BAZ1B: variants seen among roughly 807,000 people sequenced by gnomAD.
BAZ1B encodes tyrosine-protein kinase BAZ1B.
In BAZ1B, 22 loss-of-function variants were observed where a neutral mutation model predicts 153.8. The ratio of observed to expected loss-of-function variants is 0.14; its 90% CI spans 0.10 to 0.20. BAZ1B has a LOEUF of 0.20. BAZ1B is among the 10% of genes least tolerant of loss of function. The probability of loss-of-function intolerance (pLI) is 1.00; values close to 1 mark genes in which losing one functional copy is unlikely to be tolerated. For synonymous variants in BAZ1B, 676 were observed against 633.4 expected (o/e 1.07, Z -1.01); for missense variants, 1,325 against 1,799.3 (o/e 0.74, Z 4.77).
intron 8 of BAZ1B, among the ~76,000 whole-genome samples, 185 bp from the exon 9 acceptor site, chr7:73,469,835 G>C (rs1788729200): frequency 6.6e-6 from 1 of 152,172 alleles, no homozygotes; most frequent in Non-Finnish European, 1.5e-5. Flanking sequence ...GAGAAATGTT[G>C]AAACTGGAGA....
chr7:73,477,980 G>A lies in BAZ1B; in HGVS notation c.1481C>T (p.Ala494Val). The A allele has an allele frequency of 6.2e-7, 1 of 1,614,136 alleles. No individual in the cohort carries two copies. The highest frequency in any genetic ancestry group is 8.5e-7 in the Non-Finnish European group (1 of 1,180,034). Residue 494 changes from alanine (A) to valine (V), a missense_variant, in exon 7 of 20, where the codon GCC becomes GTC. Ala to Val is a moderately conservative substitution (Grantham distance 64). This residue lies in a region of BAZ1B where 154 missense variants were observed against 266.3 expected (regional missense o/e 0.58). Transcript: ENST00000339594. The surrounding 1 kb of genome is among the most constrained non-coding windows in gnomAD (Gnocchi z 5.6). Reference sequence around the variant, plus strand: ...TGTTTTGGAGATAACACAGGACAGGGCGCTCCTCTTGTCCTCCCTGTCTTT... The same window carrying A: ...TGTTTTGGAGATAACACAGGACAGGACGCTCCTCTTGTCCTCCCTGTCTTT... Reference protein sequence around the residue: ...ENKDREDKRSALSCVISKTAR... With the variant: ...ENKDREDKRSVLSCVISKTAR...
intron 5 of BAZ1B, among the ~76,000 whole-genome samples, chr7:73,490,654 G>A (rs1041266126): frequency 6.7e-6 from 1 of 150,206 alleles, no homozygotes; most frequent in Admixed American, 6.6e-5. Context: ...TGCCCAGGCT[G>A]GAGAGCAATG....
rs1417667942 is a variant in BAZ1B at position 73,450,322 on chromosome 7, A to ACGCTT, written c.3580+520_3580+524dup. Among the ~76,000 whole-genome samples, 2 of 152,198 alleles carry ACGCTT rather than the reference A, an allele frequency of 1.3e-5. No individual in the cohort carries two copies. The highest frequency in any genetic ancestry group is 2.9e-5 in the Non-Finnish European group (2 of 68,022). Reference sequence around the variant, plus strand: ...CCAACCTTCATTCTAGAGCGATTGAACGCTTTACAGCAACTGAATGATTTT... The same window carrying ACGCTT: ...CCAACCTTCATTCTAGAGCGATTGAACGCTTCGCTTTACAGCAACTGAATGATTTT... On this transcript the variant is annotated intron_variant, in intron 14 of 19. Transcript: ENST00000339594. This position sits in a 1 kb window ranked among gnomAD's most constrained non-coding sequence, Gnocchi z 4.1.
chr7:73,465,390 C>T (rs782651485), intron 11 of BAZ1B, 49 bp downstream of exon 11: 2 of 1,228,996 alleles, frequency 1.6e-6, no homozygotes, highest in Admixed American at 4.9e-5. Context: ...TATTTATATC[C>T]AATGCTAAAG....
At position 73,469,665 on chromosome 7, in the gene BAZ1B, C is replaced by G. The variant is rs1286884476; in HGVS notation, c.2733-15G>C. On this transcript the variant is annotated splice_polypyrimidine_tract_variant and intron_variant, in intron 8 of 19. Coordinates refer to ENST00000339594, the MANE Select transcript of BAZ1B (RefSeq NM_032408.4). ...AGAGCCAGTATCTACAAATCACAAC[C>G]AGTATTAATAAGACAGTGAATAGAT... is the stretch of plus-strand genomic sequence containing the variant. 2 of 1,613,388 alleles carry G rather than the reference C, an allele frequency of 1.2e-6. No homozygotes were observed. Among genetic ancestry groups the G allele is most frequent in the Non-Finnish European group, 1.7e-6 (2 of 1,179,648 alleles).
intron 6 of BAZ1B, among the ~76,000 whole-genome samples, chr7:73,488,188 C>T (rs1314503880): frequency 3.3e-5 from 5 of 152,110 alleles, no homozygotes; most frequent in African/African-American, 1.2e-4. Context: ...CAGTATGCTG[C>T]GTTACATTTA....
At chr7:73,465,908 C>T (rs1372109544) in intron 10 of BAZ1B, among the ~76,000 whole-genome samples, 2 of 152,104 alleles carry the variant, frequency 1.3e-5, no homozygotes, top group African/African-American at 2.4e-5. Flanking sequence ...AAACCTAGCT[C>T]GCTGCCTAAA....
In BAZ1B at chr7:73,478,575, ATT is replaced by A. The variant is rs1554573255; in HGVS notation, c.892-8_892-7del. On this transcript the variant is annotated splice_region_variant and splice_polypyrimidine_tract_variant and intron_variant, in intron 6 of 19. Coordinates refer to ENST00000339594, the MANE Select transcript of BAZ1B (RefSeq NM_032408.4). The stretch of plus-strand genomic sequence containing the variant: ...GAAGGGTTGAGAGTCATATACTAGA[ATT>A]TAAGAATAGGAGCAAAATTAATTTT... 11 of 1,488,860 alleles carry A rather than the reference ATT, an allele frequency of 7.4e-6. No homozygotes were observed. The highest frequency in any genetic ancestry group is 9.8e-6 in the Non-Finnish European group (11 of 1,118,934). 92.2% of individuals were successfully genotyped at this position (1,488,860 alleles called of 1,614,324 possible).
At chr7:73,510,035 G>A (rs1364352391) in intron 2 of BAZ1B, among the ~76,000 whole-genome samples, 3 of 151,804 alleles carry the variant, frequency 2.0e-5, no homozygotes, top group African/African-American at 4.8e-5. Flanking sequence ...GCTGAGGCAC[G>A]AGAATCACTT....
intron 6 of BAZ1B, among the ~76,000 whole-genome samples, chr7:73,484,251 C>G (rs1196532193): frequency 6.6e-6 from 1 of 150,600 alleles, no homozygotes; most frequent in Non-Finnish European, 1.5e-5. Context: ...GGCGACAGAG[C>G]GAGACTCTGT....
intron 3 of BAZ1B, among the ~76,000 whole-genome samples, chr7:73,500,096 A>G (rs1212130218): frequency 6.6e-6 from 1 of 152,144 alleles, no homozygotes; most frequent in African/African-American, 2.4e-5. Context: ...CTACAGGCAC[A>G]CACCACACCT....
chr7:73,444,963 G>A (rs1014080228), intron 16 of BAZ1B, among the ~76,000 whole-genome samples: 15 of 152,016 alleles, frequency 9.9e-5, no homozygotes, highest in South Asian at 6.2e-4. Context: ...GCAGTGAGCC[G>A]AGATCACGCC....
At chr7:73,448,442 A>G (rs1478020715) in intron 15 of BAZ1B, among the ~76,000 whole-genome samples, 3 of 152,158 alleles carry the variant, frequency 2.0e-5, no homozygotes, top group Non-Finnish European at 2.9e-5. Context: ...CCTTATTGAG[A>G]TTCAAGTAAA....
chr7:73,485,625 GAAAA>G (rs71517389), intron 6 of BAZ1B, among the ~76,000 whole-genome samples: 1 of 76,244 alleles, frequency 1.3e-5, no homozygotes, highest in Non-Finnish European at 2.9e-5. Flanking sequence ...GCCTACCTCA[GAAAA>G]AAAAAAAAAA....
intron 1 of BAZ1B, among the ~76,000 whole-genome samples, chr7:73,518,337 C>T (rs1366690313): frequency 6.6e-6 from 1 of 151,736 alleles, no homozygotes; most frequent in Non-Finnish European, 1.5e-5. Flanking sequence ...GGCGTGAACC[C>T]GGGAGGCGGA....
intron 2 of BAZ1B, among the ~76,000 whole-genome samples, chr7:73,508,830 G>A (rs782654044): frequency 2.1e-4 from 32 of 151,622 alleles, no homozygotes; most frequent in Non-Finnish European, 3.8e-4. Context: ...TGGCTAACAC[G>A]ATGAAACCCC....
intron 2 of BAZ1B, among the ~76,000 whole-genome samples, chr7:73,508,945 G>A (rs1041767118): frequency 6.6e-6 from 1 of 151,634 alleles, no homozygotes; most frequent in Non-Finnish European, 1.5e-5. Flanking sequence ...CCCAGGAAGC[G>A]GAGCTTACAG....
intron 6 of BAZ1B, among the ~76,000 whole-genome samples, chr7:73,486,272 T>C (rs1554574465): frequency 6.6e-6 from 1 of 152,206 alleles, no homozygotes; most frequent in African/African-American, 2.4e-5. Flanking sequence ...TATCTTTACA[T>C]AATTTTCCTC....
At chr7:73,469,728 T>C in intron 8 of BAZ1B, 78 bp from the exon 9 acceptor site, 2 of 1,533,280 alleles carry the variant, frequency 1.3e-6, no homozygotes, top group Non-Finnish European at 1.8e-6. Context: ...GAGAAGATAA[T>C]ACAGAGTATC....
Sources: gnomAD v4.1 joint callset for allele counts (sites outside exome capture counted in the v4.1 genomes callset) on GRCh38, gnomAD v4.1.1 for gene constraint, gnomAD v4.1.1 regional missense constraint, Gnocchi (gnomAD v3.1) non-coding constraint, MANE v1.5 for transcripts, NCBI Gene and HGNC (gene_info 2026-07-23, HGNC 2026-07-21) for gene names.